PCDHA4: variants seen among roughly 807,000 people sequenced by gnomAD.
The protein encoded by PCDHA4 is protocadherin alpha 4.
A neutral mutation model predicts 61.4 loss-of-function variants in PCDHA4; 49 were observed. The observed-to-expected ratio is 0.80, with a 90% CI of 0.63 to 1.01. PCDHA4 has a LOEUF of 1.01. PCDHA4 is among the 50% of genes least tolerant of loss of function. PCDHA4 has a pLI of 0.00. For missense variants in PCDHA4, 1,254 were observed against 1,235.8 expected (o/e 1.01, Z -0.22); for synonymous variants, 590 against 550.3 (o/e 1.07, Z -1.01).
chr5:140,952,072 A>G (rs1433517410), intron 1 of PCDHA4, among the ~76,000 whole-genome samples: 1 of 152,112 alleles, frequency 6.6e-6, no homozygotes, highest in Non-Finnish European at 1.5e-5. Context: ...AATAATCTTC[A>G]TTGACTCCAT....
At chr5:140,968,697 C>G in intron 1 of PCDHA4, 2 of 1,614,144 alleles carry the variant, frequency 1.2e-6, no homozygotes, top group South Asian at 2.2e-5. Flanking sequence ...GAAATTAGGA[C>G]TACCAGGAAG....
intron 1 of PCDHA4, chr5:140,967,116 G>A: frequency 1.2e-6 from 2 of 1,612,922 alleles, no homozygotes; most frequent in Non-Finnish European, 1.7e-6. Context: ...CGGCCTCGCT[G>A]CCTGCTCAGC....
intron 1 of PCDHA4, among the ~76,000 whole-genome samples, chr5:140,917,324 C>CG (rs1299895515): frequency 0.012 from 918 of 74,422 alleles, 22 homozygotes; most frequent in East Asian, 0.019. Flanking sequence ...GTTCATGTGG[C>CG]GGGGGAGGGG....
chr5:140,951,889 G>A (rs2094649080), intron 1 of PCDHA4, among the ~76,000 whole-genome samples: 1 of 152,142 alleles, frequency 6.6e-6, no homozygotes, highest in Non-Finnish European at 1.5e-5. Flanking sequence ...ACTCTCTTCT[G>A]CCTATGAGCC....
At chr5:140,884,169 C>A in intron 1 of PCDHA4, 2 of 1,613,426 alleles carry the variant, frequency 1.2e-6, no homozygotes, top group South Asian at 1.1e-5. Flanking sequence ...ATCAGCACGA[C>A]GCGCCCTCTG....
At chr5:140,809,830 GT>G in intron 1 of PCDHA4, 1 of 354,942 alleles carries the variant, frequency 2.8e-6, no homozygotes. Context: ...CACCCTCTTT[GT>G]TTTTGGTAAT....
At chr5:140,813,005 T>A (rs1765210472) in intron 1 of PCDHA4, 1 of 152,232 alleles carries the variant, frequency 6.6e-6, no homozygotes, top group African/African-American at 2.4e-5. Flanking sequence ...AGAAAAGATA[T>A]TTAGTAGGAT....
intron 1 of PCDHA4, chr5:140,851,035 A>G: frequency 7.1e-7 from 1 of 1,400,972 alleles, no homozygotes; most frequent in Non-Finnish European, 9.4e-7. Context: ...ACCCCTTAAC[A>G]TTGGAGCCGA....
chr5:140,839,660 C>T (rs1174636737), intron 1 of PCDHA4, among the ~76,000 whole-genome samples: 1 of 152,018 alleles, frequency 6.6e-6, no homozygotes, highest in Non-Finnish European at 1.5e-5. Flanking sequence ...TTGTTTGCTA[C>T]TATTTAGAGT....
intron 1 of PCDHA4, among the ~76,000 whole-genome samples, chr5:140,914,392 AC>A (rs1554196309): frequency 6.6e-6 from 1 of 151,928 alleles, no homozygotes; most frequent in Non-Finnish European, 1.5e-5. Flanking sequence ...AAGTGTAGTT[AC>A]CCCTGCTCCT....
At chr5:140,933,651 C>G (rs2089301034) in intron 1 of PCDHA4, among the ~76,000 whole-genome samples, 1 of 151,824 alleles carries the variant, frequency 6.6e-6, no homozygotes, top group South Asian at 2.1e-4. Flanking sequence ...GTTGGAAATC[C>G]TGTCTCTCTC....
intron 1 of PCDHA4, chr5:140,851,117 T>G: frequency 7.7e-7 from 1 of 1,306,460 alleles, no homozygotes; most frequent in Non-Finnish European, 9.9e-7. Flanking sequence ...TGAATCAATT[T>G]TATTTAAATT....
At chr5:140,974,240 A>G (rs1554235899) in intron 1 of PCDHA4, among the ~76,000 whole-genome samples, 1 of 152,188 alleles carries the variant, frequency 6.6e-6, no homozygotes, top group African/African-American at 2.4e-5. Context: ...CTTGGCATAT[A>G]AGCACCATCA....
At chr5:140,981,692 T>C (rs1168412872) in intron 2 of PCDHA4, among the ~76,000 whole-genome samples, 1 of 150,826 alleles carries the variant, frequency 6.6e-6, no homozygotes, top group Non-Finnish European at 1.5e-5. Flanking sequence ...CTTCCATCAT[T>C]CATTCATTCA....
intron 1 of PCDHA4, chr5:140,822,901 C>T (rs1554128945): frequency 6.2e-7 from 1 of 1,614,234 alleles, no homozygotes; most frequent in Non-Finnish European, 8.5e-7. Flanking sequence ...CGTGTCTGAC[C>T]GTGACTCAGG....
intron 1 of PCDHA4, chr5:140,841,917 C>T (rs1777584856): frequency 1.2e-6 from 2 of 1,613,834 alleles, no homozygotes; most frequent in Admixed American, 1.7e-5. Context: ...TTAAGAAAAT[C>T]CTTGGACAGA....
chr5:140,934,999 T>C (rs2090139389), intron 1 of PCDHA4, among the ~76,000 whole-genome samples: 1 of 152,196 alleles, frequency 6.6e-6, no homozygotes, highest in Admixed American at 6.5e-5. Flanking sequence ...CCTGAATCCT[T>C]TTCATGTGAG....
intron 1 of PCDHA4, among the ~76,000 whole-genome samples, chr5:140,975,613 A>G (rs1482474647): frequency 1.3e-5 from 2 of 152,226 alleles, no homozygotes; most frequent in Non-Finnish European, 2.9e-5. Context: ...TGTCTTCCAC[A>G]TGGATTTCCA....
intron 1 of PCDHA4, chr5:140,869,054 T>C: frequency 6.5e-7 from 1 of 1,545,104 alleles, no homozygotes; most frequent in African/African-American, 1.4e-5. Context: ...CTGAAGAATC[T>C]GGTACTGTAA....
Sources: gnomAD v4.1 joint callset for allele counts (sites outside exome capture counted in the v4.1 genomes callset) on GRCh38, gnomAD v4.1.1 for gene constraint, MANE v1.5 for transcripts, NCBI Gene and HGNC (gene_info 2026-07-23, HGNC 2026-07-21) for gene names.